MAGI1: variants seen among roughly 807,000 people sequenced by gnomAD.
MAGI1 encodes the protein membrane-associated guanylate kinase, WW and PDZ domain-containing protein 1.
In MAGI1, 58 loss-of-function variants were observed where a neutral mutation model predicts 139.9. The observed-to-expected ratio is 0.41, with a 90% CI of 0.34 to 0.52. The LOEUF (loss-of-function observed/expected upper bound fraction) is 0.52. MAGI1 is among the 20% of genes least tolerant of loss of function. The probability of loss-of-function intolerance (pLI) is 0.12; values close to 1 mark genes in which losing one functional copy is unlikely to be tolerated. For synonymous variants in MAGI1, 812 were observed against 737.9 expected (o/e 1.10, Z -1.63); for missense variants, 1,874 against 1,901.6 (o/e 0.99, Z 0.27).
chr3:65,424,937 A>G (rs904759977), intron 12 of MAGI1, among the ~76,000 whole-genome samples: 1 of 151,954 alleles, frequency 6.6e-6, no homozygotes, highest in African/African-American at 2.4e-5. Context: ...TTAGCCTCAC[A>G]AGATGGCACA....
chr3:65,946,668 G>C (rs2063558711), intron 1 of MAGI1, among the ~76,000 whole-genome samples: 1 of 152,032 alleles, frequency 6.6e-6, no homozygotes, highest in Non-Finnish European at 1.5e-5. Context: ...CCCAATAATG[G>C]TATCCTGACA....
intron 1 of MAGI1, among the ~76,000 whole-genome samples, chr3:65,890,133 A>AG (rs5849701): frequency 0.65 from 98,082 of 152,012 alleles, 34,216 homozygotes; most frequent in African/African-American, 0.91. Context: ...TGGGAGGCCG[A>AG]GTGGACGGAT....
At chr3:65,491,663 T>A (rs1952044202) in intron 3 of MAGI1, among the ~76,000 whole-genome samples, 1 of 151,994 alleles carries the variant, frequency 6.6e-6, no homozygotes, top group South Asian at 2.1e-4. Flanking sequence ...GCTGACAACA[T>A]GTTGAAGAAG....
intron 5 of MAGI1, among the ~76,000 whole-genome samples, chr3:65,461,047 C>T (rs1949747205): frequency 6.6e-6 from 1 of 152,020 alleles, no homozygotes; most frequent in South Asian, 2.1e-4. Context: ...GATTTATAAT[C>T]CTTTGGGTAT....
At chr3:66,036,907 T>C (rs2068953789) in intron 1 of MAGI1, among the ~76,000 whole-genome samples, 1 of 152,178 alleles carries the variant, frequency 6.6e-6, no homozygotes, top group Admixed American at 6.5e-5. Context: ...CCCTTGTCTG[T>C]ACCAAAGTGA....
intron 16 of MAGI1, 83 bp downstream of exon 16, chr3:65,381,794 T>G: frequency 7.7e-7 from 1 of 1,291,766 alleles, no homozygotes; most frequent in Non-Finnish European, 1.1e-6. Flanking sequence ...AAATAGACGC[T>G]CAAGGAGGCA....
At chr3:65,960,129 G>A (rs188408127) in intron 1 of MAGI1, among the ~76,000 whole-genome samples, 1 of 152,094 alleles carries the variant, frequency 6.6e-6, no homozygotes, top group African/African-American at 2.4e-5. Flanking sequence ...TTTAATACTA[G>A]CAACAACAGA....
chr3:65,848,680 GTT>G (rs2059093355), intron 1 of MAGI1, among the ~76,000 whole-genome samples: 1 of 151,888 alleles, frequency 6.6e-6, no homozygotes, highest in Non-Finnish European at 1.5e-5. Flanking sequence ...TAGCTTAGCA[GTT>G]AAACACCTGG....
intron 2 of MAGI1, among the ~76,000 whole-genome samples, chr3:65,621,285 G>A (rs574741706): frequency 2.0e-5 from 3 of 152,260 alleles, no homozygotes; most frequent in South Asian, 2.1e-4. Context: ...TCACTACAAC[G>A]GAGCTGCGAA....
chr3:65,675,969 T>A (rs907219455), intron 1 of MAGI1, among the ~76,000 whole-genome samples: 1 of 152,212 alleles, frequency 6.6e-6, no homozygotes, highest in Non-Finnish European at 1.5e-5. Context: ...TTGACGACTT[T>A]AAGCTACCCT....
chr3:65,869,125 G>A (rs2059829254), intron 1 of MAGI1, among the ~76,000 whole-genome samples: 1 of 149,564 alleles, frequency 6.7e-6, no homozygotes, highest in South Asian at 2.2e-4. Flanking sequence ...CGTGGTGGCA[G>A]GCGCCTGTAG....
chr3:65,997,866 T>C (rs1161608792), intron 1 of MAGI1, among the ~76,000 whole-genome samples: 3 of 151,734 alleles, frequency 2.0e-5, no homozygotes, highest in East Asian at 3.9e-4. Flanking sequence ...CAAGGCAAAA[T>C]AGTAGTTGTT....
intron 1 of MAGI1, among the ~76,000 whole-genome samples, chr3:65,864,374 T>A (rs2059651321): frequency 6.6e-6 from 1 of 152,188 alleles, no homozygotes; most frequent in African/African-American, 2.4e-5. Context: ...CAGGCCAGGG[T>A]TAATTTCCTA....
At chr3:65,447,566 G>C (rs950768838) in intron 7 of MAGI1, among the ~76,000 whole-genome samples, 1 of 152,174 alleles carries the variant, frequency 6.6e-6, no homozygotes, top group Admixed American at 6.5e-5. Flanking sequence ...TTTATTGCAA[G>C]TGCTCCTATA....
At chr3:66,019,206 G>A (rs934055902) in intron 1 of MAGI1, among the ~76,000 whole-genome samples, 1 of 152,208 alleles carries the variant, frequency 6.6e-6, no homozygotes, top group African/African-American at 2.4e-5. Context: ...TCAGGAGATG[G>A]TGAGTGAATC....
In MAGI1 at chr3:65,430,731, C is replaced by A. The variant is rs760945768; in HGVS notation, c.1514G>T (p.Gly505Val). 6.2e-7 allele frequency: 1 copy of A among 1,613,562 alleles called. No individual in the cohort carries two copies. The highest frequency in any genetic ancestry group is 2.2e-5 in the East Asian group (1 of 44,848). ...CATCTTGCCATCCAATGCAGCAGGA[C>A]CATCTAGGACCAAGCTCTTGATCTG... The part of the protein sequence containing the change: ...FLQIKSLVLD[G>V]PAALDGKMET... The change falls in exon 11 of 23, where the codon GGT (glycine) becomes GTT (valine). Residue 505 changes from glycine (G) to valine (V), a missense_variant. Physicochemically the swap from Gly to Val is moderately radical, Grantham distance 109. This residue lies in a region of MAGI1 where 86 missense variants were observed against 130.0 expected (regional missense o/e 0.66). Coordinates refer to ENST00000402939, the MANE Select transcript of MAGI1 (RefSeq NM_001033057.2).
At chr3:65,723,307 T>C (rs549866930) in intron 1 of MAGI1, among the ~76,000 whole-genome samples, 4 of 152,160 alleles carry the variant, frequency 2.6e-5, no homozygotes, top group Non-Finnish European at 4.4e-5. Context: ...CATAAGCTTA[T>C]TGAAGAAAAG....
At chr3:65,538,896 A>C (rs537377520) in intron 2 of MAGI1, among the ~76,000 whole-genome samples, 2 of 152,114 alleles carry the variant, frequency 1.3e-5, no homozygotes, top group South Asian at 4.2e-4. Context: ...CCAGAAACAC[A>C]TACTAACACC....
intron 2 of MAGI1, among the ~76,000 whole-genome samples, chr3:65,547,021 T>C (rs995757439): frequency 6.6e-6 from 1 of 152,216 alleles, no homozygotes; most frequent in Non-Finnish European, 1.5e-5. Flanking sequence ...AGAAGGTCTA[T>C]GATGCACTGC....
Sources: allele counts gnomAD v4.1 joint callset (sites outside exome capture counted in the v4.1 genomes callset), GRCh38; gene constraint gnomAD v4.1.1; regional missense constraint gnomAD v4.1.1; transcripts MANE v1.5; gene names NCBI Gene and HGNC (gene_info 2026-07-23, HGNC 2026-07-21).